Variants in GALNT1 observed in about 807,000 individuals in gnomAD.
GALNT1 encodes the protein GalNAc transferase 1.
In GALNT1, 17 loss-of-function variants were observed where a neutral mutation model predicts 65.7. The observed-to-expected ratio is 0.26, with a 90% confidence interval of 0.18 to 0.39. The LOEUF (loss-of-function observed/expected upper bound fraction) is 0.39, where lower values mean the gene tolerates loss of function less well. GALNT1 is among the 10% of genes least tolerant of loss of function. GALNT1 has a pLI of 1.00. For synonymous variants in GALNT1, 210 were observed against 219.7 expected, an observed-to-expected ratio of 0.96 and a Z score of 0.39; for missense variants, 460 against 672.8, an observed-to-expected ratio of 0.68 and a Z score of 3.50.
At chr18:35,614,193 A>G (rs1033425264) in intron 1 of GALNT1, among the ~76,000 whole-genome samples, 3 of 152,178 alleles carry the variant, frequency 2.0e-5, no homozygotes, top group African/African-American at 4.8e-5. Flanking sequence ...AGAGCAAAAG[A>G]CTATCAAAAA....
intron 1 of GALNT1, among the ~76,000 whole-genome samples, chr18:35,602,878 G>A (rs184407875): frequency 2.0e-4 from 30 of 152,180 alleles, no homozygotes; most frequent in Admixed American, 5.2e-4. Context: ...TGTCCTTCTG[G>A]GGAAGCCATA....
chr18:35,665,592 G>T (rs960716977), intron 3 of GALNT1, among the ~76,000 whole-genome samples: 1 of 152,086 alleles, frequency 6.6e-6, no homozygotes, highest in African/African-American at 2.4e-5. Flanking sequence ...CCCCCAGGGG[G>T]GAAAAAAGAC....
chr18:35,617,421 A>G (rs1276004122), intron 1 of GALNT1, among the ~76,000 whole-genome samples: 2 of 152,242 alleles, frequency 1.3e-5, no homozygotes, highest in Non-Finnish European at 2.9e-5. Flanking sequence ...GCGTTTAGCT[A>G]TCTGAAACAC....
chr18:35,640,271 A>G (rs553632694), intron 1 of GALNT1, among the ~76,000 whole-genome samples: 103 of 152,342 alleles, frequency 6.8e-4, no homozygotes, highest in African/African-American at 2.3e-3. Flanking sequence ...AATACTAGAA[A>G]TCTTCGCAAG....
intron 1 of GALNT1, among the ~76,000 whole-genome samples, chr18:35,614,770 A>G (rs1478454747): frequency 6.6e-6 from 1 of 152,186 alleles, no homozygotes; most frequent in African/African-American, 2.4e-5. Context: ...ATGCCAATTA[A>G]TCAACAAGAA....
chr18:35,644,289 T>G (rs2047202328), intron 1 of GALNT1, among the ~76,000 whole-genome samples: 1 of 152,256 alleles, frequency 6.6e-6, no homozygotes, highest in African/African-American at 2.4e-5. Flanking sequence ...TTCCAAGACC[T>G]GAAAATTGGT....
In GALNT1 at chr18:35,703,536, A is replaced by C. The variant is rs542498158; in HGVS notation, c.1426A>C (p.Ile476Leu). ...TTTCTCTTATACTGCCAACAAAGAA[A>C]TTAGAACAGATGACCTTTGCTTGGA... Reference protein sequence around the residue: ...QVFSYTANKEIRTDDLCLDVS... With the variant: ...QVFSYTANKELRTDDLCLDVS... Residue 476 changes from isoleucine to leucine, a missense_variant, in exon 11 of 12, where the codon ATT (isoleucine) becomes CTT (leucine). By Grantham distance (5) the Ile-to-Leu change is conservative. Coordinates refer to ENST00000269195, the MANE Select transcript of GALNT1 (RefSeq NM_020474.4). 4 of 1,613,984 alleles carry C rather than the reference A, an allele frequency of 2.5e-6. No homozygotes were observed. In the East Asian group the frequency reaches 8.9e-5, roughly 36 times the overall value.
chr18:35,586,806 G>A (rs994077988), intron 1 of GALNT1, among the ~76,000 whole-genome samples: 1 of 152,102 alleles, frequency 6.6e-6, no homozygotes, highest in Non-Finnish European at 1.5e-5. Flanking sequence ...TATTTTAGCT[G>A]TTCTAGTTCC....
intron 1 of GALNT1, among the ~76,000 whole-genome samples, chr18:35,589,125 A>C (rs1438250999): frequency 6.6e-6 from 1 of 152,206 alleles, no homozygotes; most frequent in Admixed American, 6.5e-5. Context: ...GGAAATTAGA[A>C]GTACAGGCTC....
At chr18:35,675,355 G>A (rs2047696315) in intron 3 of GALNT1, among the ~76,000 whole-genome samples, 1 of 152,062 alleles carries the variant, frequency 6.6e-6, no homozygotes, top group Non-Finnish European at 1.5e-5. Context: ...ATTAATTTAT[G>A]AATTTGTTAT....
intron 1 of GALNT1, among the ~76,000 whole-genome samples, chr18:35,636,229 T>C (rs2047087087): frequency 6.6e-6 from 1 of 152,190 alleles, no homozygotes; most frequent in South Asian, 2.1e-4. Flanking sequence ...TAATATGCAA[T>C]GTGAATCTAC....
rs2048203805 is a variant in GALNT1, at chr18:35,703,587, A to G, written c.1477A>G (p.Thr493Ala). ...LDVSKLNGPV[T>A]MLKCHHLKGN... is the part of the protein sequence containing the mutation. ...TGTTTCCAAACTTAATGGCCCAGTT[A>G]CAATGCTCAAATGCCACCACCTAAA... Residue 493 changes from threonine (T) to alanine (A), a missense_variant, in exon 11 of 12, where the codon ACA (threonine) becomes GCA (alanine). Transcript: ENST00000269195. The G allele has an allele frequency of 6.2e-7, 1 of 1,614,088 alleles. No homozygotes were observed. Among genetic ancestry groups the G allele is most frequent in the Non-Finnish European group, 8.5e-7 (1 of 1,179,960 alleles).
intron 2 of GALNT1, among the ~76,000 whole-genome samples, 197 bp from the exon 3 acceptor site, chr18:35,663,431 A>C (rs2047504110): frequency 6.6e-6 from 1 of 152,148 alleles, no homozygotes; most frequent in Admixed American, 6.6e-5. Context: ...AAGGTGACGA[A>C]GTCTTGAGTC....
chr18:35,622,198 C>G (rs1163504404), intron 1 of GALNT1, among the ~76,000 whole-genome samples: 2 of 151,672 alleles, frequency 1.3e-5, no homozygotes, highest in South Asian at 4.2e-4. Flanking sequence ...GATAGTATTC[C>G]TTAATTTTTT....
At chr18:35,588,996 A>G (rs1488630365) in intron 1 of GALNT1, among the ~76,000 whole-genome samples, 1 of 152,156 alleles carries the variant, frequency 6.6e-6, no homozygotes, top group Non-Finnish European at 1.5e-5. Flanking sequence ...TTTTTATATT[A>G]TACTATGAGA....
intron 1 of GALNT1, among the ~76,000 whole-genome samples, chr18:35,609,240 G>A (rs1197820858): frequency 1.3e-5 from 2 of 152,096 alleles, no homozygotes; most frequent in Non-Finnish European, 2.9e-5. Context: ...ATTGATATTA[G>A]TGGTACTGTA....
At chr18:35,676,308 G>A (rs183902980) in intron 3 of GALNT1, among the ~76,000 whole-genome samples, 24 of 149,276 alleles carry the variant, frequency 1.6e-4, no homozygotes, top group Non-Finnish European at 2.4e-4. Flanking sequence ...GAGGGAGAGA[G>A]GGGCTGCAGT....
intron 3 of GALNT1, among the ~76,000 whole-genome samples, chr18:35,666,689 G>C (rs1208114985): frequency 1.3e-5 from 2 of 152,052 alleles, no homozygotes; most frequent in Non-Finnish European, 2.9e-5. Flanking sequence ...CCAGTTTTTG[G>C]ACATTGAACA....
Position 35,709,523 on chromosome 18 carries a change from CAAAA to C in GALNT1, c.1534-96_1534-93del, listed in dbSNP as rs112143274. The C allele has an allele frequency of 4.9e-6, 6 of 1,213,048 alleles. No individual in the cohort carries two copies. The East Asian group carries it at 1.5e-4, about 30-fold the overall frequency. The allele number at this position is 1,213,048 out of a possible 1,614,324, so 75.1% of individuals were successfully genotyped here. On this transcript the variant is annotated intron_variant, in intron 11 of 11. Coordinates refer to ENST00000269195, the MANE Select transcript of GALNT1 (RefSeq NM_020474.4). ...TTGTCTTTTAAATAATGTATATTAC[CAAAA>C]AAAACACCTTTTCTGCAGAGGAACT...
Sources: gnomAD v4.1 joint callset for allele counts (sites outside exome capture counted in the v4.1 genomes callset) on GRCh38, gnomAD v4.1.1 for gene constraint, MANE v1.5 for transcripts, NCBI Gene and HGNC (gene_info 2026-07-23, HGNC 2026-07-21) for gene names.